WDFY3: variants seen among roughly 807,000 people sequenced by gnomAD.
WDFY3 encodes WD repeat and FYVE domain containing 3.
Under a neutral mutation model 409.6 loss-of-function variants are expected in WDFY3, and 66 were observed. The observed-to-expected ratio is 0.16, with a 90% CI of 0.13 to 0.20. The LOEUF (loss-of-function observed/expected upper bound fraction) is 0.20. Among genes scored for constraint, WDFY3 ranks in the 10% least tolerant of loss-of-function variants. WDFY3 has a pLI of 1.00. For synonymous variants in WDFY3, 1,521 were observed against 1,537.1 expected (o/e 0.99, Z 0.25); for missense variants, 3,031 against 4,298.1 (o/e 0.71, Z 8.24).
At chr4:84,751,011 T>G (rs575384352) in intron 36 of WDFY3, among the ~76,000 whole-genome samples, 209 of 152,364 alleles carry the variant, frequency 1.4e-3, no homozygotes, top group Admixed American at 2.2e-3. Flanking sequence ...ACAATGCCAC[T>G]AGGCACTGTT....
intron 1 of WDFY3, among the ~76,000 whole-genome samples, chr4:84,957,275 AC>A (rs372149907): frequency 0.018 from 2,728 of 150,746 alleles, 82 homozygotes; most frequent in African/African-American, 0.064. Flanking sequence ...AAAAAAAAAA[AC>A]AAAACTACAA....
chr4:84,684,434 T>C (rs1727958686), intron 62 of WDFY3, among the ~76,000 whole-genome samples: 1 of 152,148 alleles, frequency 6.6e-6, no homozygotes, highest in Non-Finnish European at 1.5e-5. Context: ...AAGCTCCCTG[T>C]CATCTGAGGA....
At chr4:84,949,832 G>A (rs1051540803) in intron 1 of WDFY3, among the ~76,000 whole-genome samples, 9 of 152,088 alleles carry the variant, frequency 5.9e-5, no homozygotes, top group African/African-American at 2.2e-4. Context: ...ATTTACCTCA[G>A]GCCCCTTATA....
chr4:84,961,214 T>G (rs950044666), intron 1 of WDFY3, among the ~76,000 whole-genome samples: 5 of 92,448 alleles, frequency 5.4e-5, no homozygotes, highest in Non-Finnish European at 1.1e-4. Flanking sequence ...AGACTCTGTC[T>G]CAAAAAAAAA....
chr4:84,757,200 C>A, intron 32 of WDFY3, 39 bp from the exon 33 acceptor site: 2 of 1,571,942 alleles, frequency 1.3e-6, no homozygotes, highest in Non-Finnish European at 8.7e-7. Context: ...GCAAAATCAG[C>A]AACTGATAAA....
At chr4:84,956,872 G>C (rs921539945) in intron 1 of WDFY3, among the ~76,000 whole-genome samples, 2 of 151,736 alleles carry the variant, frequency 1.3e-5, no homozygotes. Context: ...GATAACCATG[G>C]TGTTCTTTTG....
At chr4:84,833,795 A>C (rs1756158720) in intron 7 of WDFY3, among the ~76,000 whole-genome samples, 1 of 152,212 alleles carries the variant, frequency 6.6e-6, no homozygotes, top group Non-Finnish European at 1.5e-5. Context: ...TTATCTGAGA[A>C]AACTAGGCCT....
intron 1 of WDFY3, among the ~76,000 whole-genome samples, chr4:84,952,252 C>A (rs1773703149): frequency 6.6e-6 from 1 of 152,160 alleles, no homozygotes; most frequent in Non-Finnish European, 1.5e-5. Flanking sequence ...CTGGGAATCA[C>A]TGAACTTATT....
intron 30 of WDFY3, among the ~76,000 whole-genome samples, chr4:84,770,397 T>C (rs910646751): frequency 4.6e-5 from 7 of 152,190 alleles, no homozygotes; most frequent in African/African-American, 1.7e-4. Flanking sequence ...AGTGTAAACA[T>C]AACTTTTACA....
chr4:84,760,253 G>A (rs1186247183), intron 32 of WDFY3, among the ~76,000 whole-genome samples: 1 of 152,122 alleles, frequency 6.6e-6, no homozygotes, highest in African/African-American at 2.4e-5. Flanking sequence ...AAGGATATTG[G>A]TCTAAAGTTC....
At chr4:84,893,429 CTTAAG>C (rs1342580884) in intron 3 of WDFY3, among the ~76,000 whole-genome samples, 2 of 152,172 alleles carry the variant, frequency 1.3e-5, no homozygotes, top group Admixed American at 6.5e-5. Context: ...CCTCACTTCA[CTTAAG>C]TTAAAAGATT....
chr4:84,910,613 C>T (rs1767631407), intron 2 of WDFY3, among the ~76,000 whole-genome samples: 1 of 152,068 alleles, frequency 6.6e-6, no homozygotes, highest in South Asian at 2.1e-4. Context: ...TTGAATCTAC[C>T]TTAAAAATTA....
intron 2 of WDFY3, among the ~76,000 whole-genome samples, chr4:84,919,132 A>T (rs1768921804): frequency 6.6e-6 from 1 of 152,170 alleles, no homozygotes; most frequent in Admixed American, 6.6e-5. Flanking sequence ...AGCATGAAGA[A>T]GATGCCACTG....
chr4:84,790,176 C>T (rs1354453607), intron 21 of WDFY3, among the ~76,000 whole-genome samples: 1 of 151,802 alleles, frequency 6.6e-6, no homozygotes, highest in Non-Finnish European at 1.5e-5. Flanking sequence ...ATGGTGAAAC[C>T]CCATCTCTAC....
At chr4:84,928,686 C>G (rs930271403) in intron 2 of WDFY3, among the ~76,000 whole-genome samples, 1 of 151,994 alleles carries the variant, frequency 6.6e-6, no homozygotes, top group Non-Finnish European at 1.5e-5. Context: ...CTTTATAATA[C>G]CTTAGTTGTT....
chr4:84,923,582 G>C (rs191877468), intron 2 of WDFY3, among the ~76,000 whole-genome samples: 88 of 152,230 alleles, frequency 5.8e-4, no homozygotes, highest in East Asian at 5.2e-3. Flanking sequence ...TACCCTAAGA[G>C]GACAGAGGTG....
At chr4:84,742,320 G>C (rs1395854596) in intron 37 of WDFY3, among the ~76,000 whole-genome samples, 2 of 152,170 alleles carry the variant, frequency 1.3e-5, no homozygotes, top group Admixed American at 1.3e-4. Flanking sequence ...TTAGTGTATA[G>C]CTCTAATAGC....
At chr4:84,815,281 C>G (rs1215911796) in intron 13 of WDFY3, among the ~76,000 whole-genome samples, 1 of 152,114 alleles carries the variant, frequency 6.6e-6, no homozygotes. Context: ...ATCCTTCATT[C>G]AGATTCTTGA....
At chr4:84,837,167 A>T (rs1267679699) in intron 6 of WDFY3, 77 bp from the exon 7 acceptor site, 1 of 1,264,228 alleles carries the variant, frequency 7.9e-7, no homozygotes, top group African/African-American at 1.5e-5. Context: ...CACAAATGTT[A>T]ACCCAAAAAT....
Sources: gnomAD v4.1 joint callset for allele counts (sites outside exome capture counted in the v4.1 genomes callset) on GRCh38, gnomAD v4.1.1 for gene constraint, MANE v1.5 for transcripts, NCBI Gene and HGNC (gene_info 2026-07-23, HGNC 2026-07-21) for gene names.